ASTN2: variants seen among roughly 807,000 people sequenced by gnomAD.
ASTN2 encodes the protein astrotactin-2.
In ASTN2, 54 loss-of-function variants were observed where a neutral mutation model predicts 139.8. That is an observed-to-expected ratio of 0.39 (90% CI 0.31 to 0.48). The LOEUF (loss-of-function observed/expected upper bound fraction) is 0.48, where lower values mean the gene tolerates loss of function less well. ASTN2 is among the 20% of genes least tolerant of loss of function. The probability of loss-of-function intolerance (pLI) is 0.95; values close to 1 mark genes in which losing one functional copy is unlikely to be tolerated. For synonymous variants in ASTN2, 756 were observed against 719.5 expected, an observed-to-expected ratio of 1.05 and a Z score of -0.81; for missense variants, 1,565 against 1,725.1, an observed-to-expected ratio of 0.91 and a Z score of 1.64.
At chr9:117,136,600 T>C (rs1376486562) in intron 4 of ASTN2, among the ~76,000 whole-genome samples, 1 of 152,182 alleles carries the variant, frequency 6.6e-6, no homozygotes, top group Non-Finnish European at 1.5e-5. Flanking sequence ...AAATTTACTG[T>C]GTTTTCAAAT....
At chr9:116,736,214 G>A (rs1162549202) in intron 13 of ASTN2, among the ~76,000 whole-genome samples, 3 of 152,096 alleles carry the variant, frequency 2.0e-5, no homozygotes, top group Non-Finnish European at 4.4e-5. Flanking sequence ...AATTCTATGA[G>A]GTTTAAAAGC....
chr9:116,857,792 C>T (rs548412040), intron 11 of ASTN2, among the ~76,000 whole-genome samples: 12 of 152,150 alleles, frequency 7.9e-5, no homozygotes, highest in Non-Finnish European at 1.5e-4. Flanking sequence ...TGCTACTCTT[C>T]GCATTGACAG....
In ASTN2 at chr9:117,363,914, T is replaced by C. The variant is rs557892762; in HGVS notation, c.442+50583A>G. On this transcript the variant is annotated intron_variant, in intron 1 of 22. Coordinates refer to ENST00000313400, the MANE Select transcript of ASTN2 (RefSeq NM_001365068.1). ...TTGTGTAGTGCATAGGAATTCTTTA[T>C]GGAATCTCAGTTTCCTCATCCGCAA... Among the ~76,000 whole-genome samples, 33 of 152,336 alleles carry C rather than the reference T, an allele frequency of 2.2e-4. No homozygotes were observed. In the South Asian group the frequency reaches 6.8e-3, roughly 32 times the overall value.
At chr9:116,817,085 G>A (rs754420153) in intron 12 of ASTN2, among the ~76,000 whole-genome samples, 1 of 151,966 alleles carries the variant, frequency 6.6e-6, no homozygotes, top group African/African-American at 2.4e-5. Context: ...ATGAGGTCAG[G>A]AGATCGAGAC....
intron 3 of ASTN2, among the ~76,000 whole-genome samples, chr9:117,166,128 A>G (rs1268241904): frequency 2.0e-5 from 3 of 152,142 alleles, no homozygotes; most frequent in Non-Finnish European, 4.4e-5. Flanking sequence ...TTATCAATAA[A>G]ATTAATAATA....
intron 4 of ASTN2, among the ~76,000 whole-genome samples, chr9:117,137,102 TGGCTCCTTAATAG>T (rs1829969665): frequency 6.6e-6 from 1 of 152,088 alleles, no homozygotes; most frequent in Non-Finnish European, 1.5e-5. Flanking sequence ...TGCTGGGGAG[TGGCTCCTTAATAG>T]CAGCCTCATA....
intron 13 of ASTN2, among the ~76,000 whole-genome samples, chr9:116,742,586 G>C (rs564234641): frequency 6.6e-6 from 1 of 152,174 alleles, no homozygotes; most frequent in South Asian, 2.1e-4. Context: ...CTAGACTCAG[G>C]ATATAGTCTG....
intron 16 of ASTN2, among the ~76,000 whole-genome samples, chr9:116,694,121 G>A (rs1418086123): frequency 6.6e-6 from 1 of 152,188 alleles, no homozygotes; most frequent in Non-Finnish European, 1.5e-5. Flanking sequence ...GTAGTCAGCT[G>A]AGATAATTTG....
At chr9:116,878,147 T>C (rs960405141) in intron 10 of ASTN2, among the ~76,000 whole-genome samples, 8 of 152,342 alleles carry the variant, frequency 5.3e-5, no homozygotes, top group South Asian at 2.1e-4. Context: ...TAAGACAGTA[T>C]GGCAATTCCT....
chr9:116,540,823 T>C (rs1270748180), intron 19 of ASTN2: 1 of 152,214 alleles, frequency 6.6e-6, no homozygotes, highest in Non-Finnish European at 1.5e-5. Context: ...AGCACCCATT[T>C]TTATCTTGCA....
At chr9:116,801,665 G>A (rs1399301438) in intron 13 of ASTN2, among the ~76,000 whole-genome samples, 1 of 147,498 alleles carries the variant, frequency 6.8e-6, no homozygotes, top group Admixed American at 6.8e-5. Context: ...GATAAATTTA[G>A]ACCCATCAGA....
chr9:117,411,532 C>A (rs1302388769), intron 1 of ASTN2, among the ~76,000 whole-genome samples: 1 of 151,562 alleles, frequency 6.6e-6, no homozygotes, highest in Admixed American at 6.6e-5. Flanking sequence ...TGGAGGGAGC[C>A]AGGGTTAAAT....
chr9:116,914,582 T>TTA (rs1834395253), intron 10 of ASTN2, among the ~76,000 whole-genome samples: 1 of 143,492 alleles, frequency 7.0e-6, no homozygotes, highest in Non-Finnish European at 1.6e-5. Context: ...TTTATATATA[T>TTA]TTTTTTTTAC....
At chr9:117,121,806 G>A (rs377498563) in intron 4 of ASTN2, among the ~76,000 whole-genome samples, 6 of 152,324 alleles carry the variant, frequency 3.9e-5, no homozygotes, top group South Asian at 2.1e-4. Context: ...GAAGCCGATG[G>A]GGAAGCCAGT....
At chr9:117,186,163 T>A (rs906451026) in intron 3 of ASTN2, among the ~76,000 whole-genome samples, 3 of 152,206 alleles carry the variant, frequency 2.0e-5, no homozygotes, top group East Asian at 3.9e-4. Context: ...CATATCAATT[T>A]TTTGAAAATT....
At chr9:116,578,154 C>A (rs1461504834) in intron 19 of ASTN2, among the ~76,000 whole-genome samples, 2 of 152,064 alleles carry the variant, frequency 1.3e-5, no homozygotes, top group African/African-American at 4.8e-5. Flanking sequence ...AAAACATTTA[C>A]AATAACCCAG....
intron 19 of ASTN2, among the ~76,000 whole-genome samples, chr9:116,503,837 G>A (rs1016230905): frequency 6.6e-6 from 1 of 152,166 alleles, no homozygotes; most frequent in Non-Finnish European, 1.5e-5. Context: ...AATCCTGTGA[G>A]GTAGGCAGTT....
At chr9:116,460,996 A>G (rs1466496321) in intron 20 of ASTN2, among the ~76,000 whole-genome samples, 1 of 152,092 alleles carries the variant, frequency 6.6e-6, no homozygotes, top group Non-Finnish European at 1.5e-5. Context: ...ATTGTATTCA[A>G]TCTAGTGGGG....
chr9:116,814,038 G>GAAA (rs1331893512), intron 12 of ASTN2, among the ~76,000 whole-genome samples: 5 of 88,010 alleles, frequency 5.7e-5, no homozygotes, highest in Non-Finnish European at 5.3e-5. Flanking sequence ...TCTGTCTCAA[G>GAAA]AAAAAAAAAA....
Sources: gnomAD v4.1 joint callset for allele counts (sites outside exome capture counted in the v4.1 genomes callset) on GRCh38, gnomAD v4.1.1 for gene constraint, MANE v1.5 for transcripts, NCBI Gene and HGNC (gene_info 2026-07-23, HGNC 2026-07-21) for gene names.